Variants in SPAG9 observed in about 807,000 individuals in gnomAD.
SPAG9 encodes sperm associated antigen 9.
A neutral mutation model predicts 166.5 loss-of-function variants in SPAG9; 35 were observed. That is an observed-to-expected ratio of 0.21 (90% CI 0.16 to 0.28). The LOEUF is 0.28. Among genes scored for constraint, SPAG9 ranks in the 10% least tolerant of loss-of-function variants. SPAG9 has a pLI of 1.00. For missense variants in SPAG9, 1,235 were observed against 1,603.3 expected (o/e 0.77, Z 3.92); for synonymous variants, 534 against 565.5 (o/e 0.94, Z 0.79).
At position 51,120,767 on chromosome 17, in the gene SPAG9, G is replaced by C; in HGVS notation, c.-111C>G. ...GGGACGGGTACTAGGGCTGGAGCCC[G>C]GGCCGGGGCTGGGGCTGGGCCCGGC... On this transcript the variant is annotated 5_prime_UTR_variant, in exon 1 of 30. Coordinates refer to ENST00000262013, the MANE Select transcript of SPAG9 (RefSeq NM_001130528.3). The surrounding 1 kb of genome is among the most constrained non-coding windows in gnomAD (Gnocchi z 4.7). 1.0e-6 allele frequency: 1 copy of C among 955,110 alleles called. No individual in the cohort carries two copies. The highest frequency in any genetic ancestry group is 1.5e-6 in the Non-Finnish European group (1 of 684,416). 59.2% of individuals were successfully genotyped at this position (955,110 alleles called of 1,614,324 possible). A position where few individuals can be genotyped will look rare whatever the true frequency, so the allele number is the denominator to read the frequency against.
intron 3 of SPAG9, among the ~76,000 whole-genome samples, chr17:51,050,972 G>A (rs772202109): frequency 3.1e-4 from 46 of 149,868 alleles, no homozygotes; most frequent in Non-Finnish European, 6.1e-4. Flanking sequence ...AAAGAACGAA[G>A]GGAGGGAGGA....
chr17:51,022,943 AAAT>A (rs369538903), intron 6 of SPAG9, among the ~76,000 whole-genome samples: 55 of 143,204 alleles, frequency 3.8e-4, no homozygotes, highest in South Asian at 6.6e-4. Flanking sequence ...CTCCATCTCA[AAAT>A]AATAATAATA....
intron 29 of SPAG9, among the ~76,000 whole-genome samples, chr17:50,969,666 A>C (rs1973624523): frequency 6.6e-6 from 1 of 152,080 alleles, no homozygotes; most frequent in Non-Finnish European, 1.5e-5. Context: ...TGTCATTTTA[A>C]AATAGTTTTT....
intron 8 of SPAG9, among the ~76,000 whole-genome samples, chr17:51,014,807 A>T (rs565144895): frequency 0.036 from 5,551 of 152,282 alleles, 256 homozygotes; most frequent in East Asian, 0.2. Context: ...TTTAAGGTTA[A>T]AAACATAAAT....
rs1973260375 is a variant in SPAG9, at chr17:50,964,499, A to G, written c.*1773T>C. On this transcript the variant is annotated 3_prime_UTR_variant, in exon 30 of 30. Transcript: ENST00000262013. Reference sequence around the variant, plus strand: ...GCTACTTGGGAGGCTGAGGCAGGAGAACTACTTGAACCTGAGAGGTGGAGG... The same window carrying G: ...GCTACTTGGGAGGCTGAGGCAGGAGGACTACTTGAACCTGAGAGGTGGAGG... 1 of 164,956 alleles carries G rather than the reference A, an allele frequency of 6.1e-6. No individual in the cohort carries two copies. The highest frequency in any genetic ancestry group is 6.5e-5 in the Admixed American group (1 of 15,368). 10.2% of individuals were successfully genotyped at this position (164,956 alleles called of 1,614,324 possible).
At chr17:51,007,041 ATCTG>A (rs2045251277) in intron 10 of SPAG9, among the ~76,000 whole-genome samples, 1 of 152,110 alleles carries the variant, frequency 6.6e-6, no homozygotes, top group Admixed American at 6.5e-5. Context: ...GGAGATGACA[ATCTG>A]TGTTTCTACA....
intron 3 of SPAG9, among the ~76,000 whole-genome samples, chr17:51,053,854 A>AAAAT (rs1491529465): frequency 2.0e-4 from 7 of 34,446 alleles, no homozygotes; most frequent in African/African-American, 6.4e-4. Context: ...AAAAAAAAAA[A>AAAAT]GTATATATAT....
chr17:51,107,024 C>G (rs1311039126), intron 1 of SPAG9, among the ~76,000 whole-genome samples: 2 of 151,760 alleles, frequency 1.3e-5, no homozygotes, highest in Admixed American at 1.3e-4. Flanking sequence ...ATCGCTTGAA[C>G]CCGGGAGGCG....
intron 6 of SPAG9, chr17:51,023,386 G>A (rs764740855): frequency 7.8e-5 from 20 of 255,098 alleles, no homozygotes; most frequent in Admixed American, 5.0e-4. Flanking sequence ...TTGCCACATC[G>A]ATTTAGCTAT....
intron 10 of SPAG9, among the ~76,000 whole-genome samples, chr17:51,006,442 C>A (rs923302141): frequency 2.6e-5 from 4 of 152,028 alleles, no homozygotes; most frequent in Non-Finnish European, 5.9e-5. Flanking sequence ...ATGAATAAAA[C>A]AAGACAGATC....
At chr17:51,101,797 G>C (rs2048815448) in intron 1 of SPAG9, among the ~76,000 whole-genome samples, 1 of 151,920 alleles carries the variant, frequency 6.6e-6, no homozygotes, top group Non-Finnish European at 1.5e-5. Flanking sequence ...CTAATTTTTT[G>C]TATTTTTAGT....
At chr17:51,107,372 A>AC (rs1479100967) in intron 1 of SPAG9, among the ~76,000 whole-genome samples, 7 of 151,690 alleles carry the variant, frequency 4.6e-5, no homozygotes, top group Admixed American at 2.6e-4. Flanking sequence ...ACATAGTCTG[A>AC]CCCCCATCCC....
intron 5 of SPAG9, among the ~76,000 whole-genome samples, chr17:51,032,283 C>T (rs149119040): frequency 8.7e-4 from 133 of 152,214 alleles, no homozygotes; most frequent in African/African-American, 3.0e-3. Flanking sequence ...CCACCTCAGC[C>T]TCCCAAGTAG....
At chr17:51,050,109 C>G (rs892486847) in intron 3 of SPAG9, among the ~76,000 whole-genome samples, 10 of 152,272 alleles carry the variant, frequency 6.6e-5, no homozygotes, top group Admixed American at 6.5e-4. Context: ...CAGACTGATT[C>G]TCTATTATCT....
intron 2 of SPAG9, among the ~76,000 whole-genome samples, chr17:51,062,810 G>A (rs367805767): frequency 1.3e-5 from 2 of 151,972 alleles, no homozygotes; most frequent in Non-Finnish European, 2.9e-5. Flanking sequence ...GGCTGGTCTC[G>A]AACTCCTGAC....
intron 18 of SPAG9, among the ~76,000 whole-genome samples, chr17:50,994,691 G>A (rs1436369933): frequency 1.3e-5 from 2 of 152,186 alleles, no homozygotes; most frequent in African/African-American, 4.8e-5. Flanking sequence ...TAACACTGCA[G>A]TGAGCCATGA....
intron 9 of SPAG9, among the ~76,000 whole-genome samples, 181 bp downstream of exon 9, chr17:51,014,051 C>CAAAG (rs2045599857): frequency 6.6e-6 from 1 of 152,148 alleles, no homozygotes; most frequent in Non-Finnish European, 1.5e-5. Context: ...TACCCATATG[C>CAAAG]AAAGGTGCTT....
intron 20 of SPAG9, chr17:50,990,248 T>C (rs1975424549): frequency 3.5e-6 from 2 of 564,142 alleles, no homozygotes; most frequent in Non-Finnish European, 6.3e-6. Flanking sequence ...CAGGATGGTC[T>C]TGATCTCCTG....
chr17:50,985,865 A>G, intron 22 of SPAG9, 87 bp from the exon 23 acceptor site: 1 of 703,830 alleles, frequency 1.4e-6, no homozygotes, highest in Admixed American at 3.0e-5. Flanking sequence ...TTCATTCAGA[A>G]GGAAAGAAGA....
Sources: allele counts gnomAD v4.1 joint callset (sites outside exome capture counted in the v4.1 genomes callset), GRCh38; gene constraint gnomAD v4.1.1; non-coding constraint Gnocchi (gnomAD v3.1); transcripts MANE v1.5; gene names NCBI Gene and HGNC (gene_info 2026-07-23, HGNC 2026-07-21).